Variants in NPC2 observed in about 807,000 individuals in gnomAD.
NPC2 encodes Niemann-Pick disease type C2 protein.
Under a neutral mutation model 17.0 loss-of-function variants are expected in NPC2, and 14 were observed. The observed-to-expected ratio is 0.82, with a 90% CI of 0.54 to 1.29. NPC2 has a LOEUF of 1.29. Among genes scored for constraint, NPC2 ranks in the 50% most tolerant of loss-of-function variants. The pLI is 0.00. For synonymous variants in NPC2, 75 were observed against 69.3 expected (o/e 1.08, Z -0.41); for missense variants, 167 against 183.4 (o/e 0.91, Z 0.52).
chr14:74,482,924 G>T, intron 3 of NPC2: 1 of 500,652 alleles, frequency 2.0e-6, no homozygotes, highest in Non-Finnish European at 3.8e-6. Flanking sequence ...AGGAGGAGGT[G>T]GAGGAGGTGC....
chr14:74,486,957 T>C (rs1203405080), intron 1 of NPC2, among the ~76,000 whole-genome samples: 1 of 144,958 alleles, frequency 6.9e-6, no homozygotes, highest in African/African-American at 2.5e-5. Context: ...AACAACTACA[T>C]TTTTTTTTTT....
At chr14:74,489,321 A>T (rs1488504183) in intron 1 of NPC2, among the ~76,000 whole-genome samples, 1 of 152,244 alleles carries the variant, frequency 6.6e-6, no homozygotes, top group Non-Finnish European at 1.5e-5. Flanking sequence ...TAAGGATGAG[A>T]CCTAAGAAGG....
At chr14:74,490,945 A>T (rs1208431040) in intron 1 of NPC2, among the ~76,000 whole-genome samples, 1 of 152,072 alleles carries the variant, frequency 6.6e-6, no homozygotes, top group Non-Finnish European at 1.5e-5. Flanking sequence ...TTTTTTGGAA[A>T]CCCAAAGTGG....
intron 1 of NPC2, among the ~76,000 whole-genome samples, chr14:74,487,274 GTTT>G (rs59427038): frequency 7.6e-6 from 1 of 132,060 alleles, no homozygotes; most frequent in Non-Finnish European, 1.6e-5. Flanking sequence ...GTTTTTTTTT[GTTT>G]TTTTTTTTTG....
intron 1 of NPC2, among the ~76,000 whole-genome samples, chr14:74,490,462 A>G (rs2086759305): frequency 6.6e-6 from 1 of 152,250 alleles, no homozygotes; most frequent in East Asian, 1.9e-4. Context: ...GTGAATAGGG[A>G]AAAAAGAAAT....
In NPC2 at chr14:74,484,502, A is replaced by G; in HGVS notation, c.276T>C (p.Gly92=). The change falls in exon 3 of 5, where the codon GGT becomes GGC. Residue 92 remains glycine (G), a synonymous_variant. Coordinates refer to ENST00000555619, the MANE Select transcript of NPC2 (RefSeq NM_006432.5). The part of the protein sequence containing the change: ...PVPFPIPEPD[G]CKSGINCPIQ... ...TAGGGCAGTTAATTCCACTCTTACAACCATCAGGCTCAGGAATGGGAAAGG... is the reference window on the plus strand; with the variant it reads ...TAGGGCAGTTAATTCCACTCTTACAGCCATCAGGCTCAGGAATGGGAAAGG... The G allele has an allele frequency of 6.2e-7, 1 of 1,613,984 alleles. No individual in the cohort carries two copies. The highest frequency in any genetic ancestry group is 8.5e-7 in the Non-Finnish European group (1 of 1,179,988).
At chr14:74,487,606 G>T (rs1210414917) in intron 1 of NPC2, among the ~76,000 whole-genome samples, 2 of 152,176 alleles carry the variant, frequency 1.3e-5, no homozygotes, top group Admixed American at 6.5e-5. Flanking sequence ...GAAAGCAAAT[G>T]TAGAGCCTGA....
At chr14:74,488,185 T>C (rs1294572624) in intron 1 of NPC2, among the ~76,000 whole-genome samples, 1 of 152,216 alleles carries the variant, frequency 6.6e-6, no homozygotes, top group Non-Finnish European at 1.5e-5. Flanking sequence ...ATTCTCTTTC[T>C]ATCGTAGAGG....
chr14:74,482,242 G>A (rs1296276596), intron 3 of NPC2, among the ~76,000 whole-genome samples: 1 of 152,150 alleles, frequency 6.6e-6, no homozygotes, highest in African/African-American at 2.4e-5. Flanking sequence ...AGTCTCTTTA[G>A]AATGTTCTTT....
At chr14:74,485,184 A>G (rs2086697078) in intron 2 of NPC2, among the ~76,000 whole-genome samples, 1 of 151,014 alleles carries the variant, frequency 6.6e-6, no homozygotes. Context: ...CATCTCAGCT[A>G]CTCAAGAGGC....
intron 3 of NPC2, chr14:74,483,492 C>A: frequency 1.9e-6 from 3 of 1,563,680 alleles, no homozygotes; most frequent in East Asian, 4.5e-5. Context: ...AAAAAGAAAT[C>A]ATGTCTGCTG....
intron 2 of NPC2, among the ~76,000 whole-genome samples, chr14:74,485,034 C>G (rs1432633663): frequency 6.6e-6 from 1 of 152,092 alleles, no homozygotes; most frequent in East Asian, 1.9e-4. Flanking sequence ...GTAGCTCCCA[C>G]CTGTAATCCC....
At chr14:74,493,351 C>A (rs557092272), upstream of NPC2, 1 of 1,565,580 alleles carries the variant, frequency 6.4e-7, no homozygotes, top group Non-Finnish European at 8.7e-7. The surrounding 1 kb of genome is among the most constrained non-coding windows in gnomAD (Gnocchi z 4.1). Flanking sequence ...TCGGGGCGGG[C>A]CCGGGGAGGA....
At chr14:74,488,566 T>C (rs985885308) in intron 1 of NPC2, among the ~76,000 whole-genome samples, 2 of 151,970 alleles carry the variant, frequency 1.3e-5, no homozygotes, top group Admixed American at 1.3e-4. Flanking sequence ...ATACAAAAAT[T>C]AGCCAGGTAT....
chr14:74,486,225 C>G, intron 2 of NPC2, 104 bp downstream of exon 2: 2 of 1,060,678 alleles, frequency 1.9e-6, no homozygotes, highest in East Asian at 2.6e-5. Flanking sequence ...TCATAAAATT[C>G]ATGACTGCCA....
chr14:74,484,316 A>C, intron 3 of NPC2, 99 bp downstream of exon 3: 2 of 1,239,806 alleles, frequency 1.6e-6, no homozygotes, highest in Non-Finnish European at 2.4e-6. Context: ...TCATAGAGAT[A>C]AGGGGCCCTT....
intron 3 of NPC2, among the ~76,000 whole-genome samples, chr14:74,483,948 T>A (rs1345815363): frequency 3.3e-5 from 5 of 152,218 alleles, no homozygotes; most frequent in African/African-American, 1.2e-4. Context: ...TTTTATATTT[T>A]AAAAATTATG....
intron 1 of NPC2, among the ~76,000 whole-genome samples, chr14:74,490,185 A>G (rs185234463): frequency 7.2e-5 from 11 of 152,352 alleles, no homozygotes; most frequent in African/African-American, 2.6e-4. Flanking sequence ...GTCAGTCACC[A>G]GATTAGCTCA....
At position 74,486,315 on chromosome 14, in the gene NPC2, C is replaced by A. The variant is rs189666920; in HGVS notation, c.190+14G>T. On this transcript the variant is annotated intron_variant, in intron 2 of 4. Coordinates refer to ENST00000555619, the MANE Select transcript of NPC2 (RefSeq NM_006432.5). ...CTGTAACATGAATTTGAGTTAAGAG[C>A]CACTTTTACGCACTGCTGGTGAAGG... 4.5e-6 allele frequency: 7 copies of A among 1,571,310 alleles called. No homozygotes were observed. In the Admixed American group the frequency reaches 1.1e-4, roughly 25 times the overall value.
Sources: allele counts gnomAD v4.1 joint callset (sites outside exome capture counted in the v4.1 genomes callset), GRCh38; gene constraint gnomAD v4.1.1; non-coding constraint Gnocchi (gnomAD v3.1); transcripts MANE v1.5; gene names NCBI Gene and HGNC (gene_info 2026-07-23, HGNC 2026-07-21).